UBN1: variants seen among roughly 807,000 people sequenced by gnomAD.
UBN1 encodes ubinuclein 1.
In UBN1, 17 loss-of-function variants were observed where a neutral mutation model predicts 108.5. That is an observed-to-expected ratio of 0.16 (90% CI 0.11 to 0.24). The LOEUF (loss-of-function observed/expected upper bound fraction) is 0.24. Ranked by LOEUF, UBN1 falls within the 10% of genes least tolerant of loss-of-function variation. The pLI, the probability that UBN1 is intolerant of heterozygous loss-of-function variation, is 1.00. For synonymous variants in UBN1, 726 were observed against 564.2 expected (o/e 1.29, Z -4.07); for missense variants, 1,595 against 1,394.4 (o/e 1.14, Z -2.29).
In UBN1 at chr16:4,877,470, G is replaced by T. The variant is rs1392173550; in HGVS notation, c.3351G>T (p.Leu1117=). The change falls in exon 17 of 18, where the codon CTG becomes CTT. Residue 1117 remains leucine, a synonymous_variant. Transcript: ENST00000262376. This position sits in a 1 kb window ranked among gnomAD's most constrained non-coding sequence, Gnocchi z 4.3. ...TGCCCACCCATATCCCGCAGAGTCTGCCAGGTAATCACCCGACGGTCAGTG... is the reference window on the plus strand; with the variant it reads ...TGCCCACCCATATCCCGCAGAGTCTTCCAGGTAATCACCCGACGGTCAGTG... The part of the protein sequence containing the change: ...AAVPTHIPQS[L]PGASQLHGKG... The T allele has an allele frequency of 1.9e-6, 3 of 1,609,660 alleles. No individual in the cohort carries two copies. Among genetic ancestry groups the T allele is most frequent in the East Asian group, 2.2e-5 (1 of 44,776 alleles).
chr16:4,879,285 G>A (rs1190160553), intron 17 of UBN1, among the ~76,000 whole-genome samples: 3 of 152,222 alleles, frequency 2.0e-5, no homozygotes, highest in East Asian at 1.9e-4. Flanking sequence ...TCATTATTAT[G>A]AGTCAGTTTT....
rs780756913 is a variant in UBN1 at position 4,859,130 on chromosome 16, A to T, written c.538A>T (p.Ile180Phe). 5.6e-6 allele frequency: 9 copies of T among 1,613,534 alleles called. No homozygotes were observed. The East Asian group carries it at 1.6e-4, about 28-fold the overall frequency. The stretch of plus-strand genomic sequence containing the variant: ...AGCATCAGAGTCTGAAGATGACTTC[A>T]TTAAAGAAAAGAAGAAAAAATCTCC... ...RQASESEDDF[I>F]KEKKKKSPKK... Residue 180 changes from isoleucine to phenylalanine, a missense_variant, in exon 5 of 18, where the codon ATT (isoleucine) becomes TTT (phenylalanine). Ile to Phe is a conservative substitution (Grantham distance 21). This residue lies in a region of UBN1 where 1,398 missense variants were observed against 1,194.7 expected (regional missense o/e 1.17). Coordinates refer to ENST00000262376, the MANE Select transcript of UBN1 (RefSeq NM_001079514.3).
chr16:4,871,329 C>T, intron 12 of UBN1, 28 bp downstream of exon 12: 1 of 1,610,080 alleles, frequency 6.2e-7, no homozygotes, highest in Admixed American at 1.7e-5. Context: ...AGATGGGCAT[C>T]TGTGCAGTCA....
intron 7 of UBN1, among the ~76,000 whole-genome samples, chr16:4,866,699 G>T (rs1034167213): frequency 4.6e-5 from 7 of 152,126 alleles, no homozygotes; most frequent in Admixed American, 3.9e-4. Context: ...TTTTAGTAGA[G>T]ACAGGGTCTC....
intron 6 of UBN1, 129 bp downstream of exon 6, chr16:4,860,097 C>CTGCGGGAGGCGTGCGG: frequency 8.6e-7 from 1 of 1,168,796 alleles, no homozygotes; most frequent in Non-Finnish European, 1.2e-6. Context: ...TCCTCCCGCA[C>CTGCGGGAGGCGTGCGG]GCCTCCCGCA....
At chr16:4,876,567 A>C (rs2087896341) in intron 15 of UBN1, among the ~76,000 whole-genome samples, 1 of 151,590 alleles carries the variant, frequency 6.6e-6, no homozygotes, top group Non-Finnish European at 1.5e-5. Context: ...TGGCTCTGTC[A>C]CCTAGGCTGG....
intron 2 of UBN1, among the ~76,000 whole-genome samples, chr16:4,857,507 G>A (rs1450322424): frequency 6.6e-6 from 1 of 151,836 alleles, no homozygotes; most frequent in African/African-American, 2.4e-5. Flanking sequence ...CGAGAGAAGT[G>A]CAAATTCAGA....
Position 4,853,140 on chromosome 16 carries a change from G to A in UBN1, c.223G>A (p.Val75Ile), listed in dbSNP as rs750968423. 5 of 1,614,112 alleles carry A rather than the reference G, an allele frequency of 3.1e-6. No individual in the cohort carries two copies. The highest frequency in any genetic ancestry group is 2.2e-5 in the East Asian group (1 of 44,898). ...PELVKNIRGK[V>I]KGLQPGDKKK... Reference sequence around the variant, plus strand: ...GCTGGTGAAGAATATCCGAGGGAAGGTAAAAGGCCTTCAGCCTGGAGATAA... The same window carrying A: ...GCTGGTGAAGAATATCCGAGGGAAGATAAAAGGCCTTCAGCCTGGAGATAA... Residue 75 changes from valine (V) to isoleucine (I), a missense_variant, in exon 2 of 18, where the codon GTA (valine) becomes ATA (isoleucine). This residue lies in a region of UBN1 where 181 missense variants were observed against 157.3 expected (regional missense o/e 1.15). Transcript: ENST00000262376.
intron 2 of UBN1, among the ~76,000 whole-genome samples, chr16:4,853,545 C>CT (rs34225938): frequency 3.6e-4 from 52 of 145,146 alleles, no homozygotes; most frequent in East Asian, 6.0e-4. Flanking sequence ...CGTAGACTGC[C>CT]TTTTTTTTTT....
intron 17 of UBN1, among the ~76,000 whole-genome samples, chr16:4,879,355 C>T (rs2088009856): frequency 1.3e-5 from 2 of 151,110 alleles, no homozygotes; most frequent in African/African-American, 4.9e-5. Context: ...AGGAGGATTG[C>T]TTGAACCCAG....
At chr16:4,872,421 G>C (rs1052829210) in intron 12 of UBN1, 3 of 930,706 alleles carry the variant, frequency 3.2e-6, no homozygotes, top group Non-Finnish European at 3.8e-6. Context: ...CCAGGAATTT[G>C]GCTCCCCAAT....
rs2086629898 is a variant in UBN1 at position 4,853,040 on chromosome 16, T to C, written c.123T>C (p.Ala41=). ...AACAGCATCAGGACTGTGAGCCGGC[T>C]GCAGCAGCTGTTCGGATTACACTCA... ...AGEQHQDCEP[A]AAAVRITLTL... Residue 41 remains alanine (A), a synonymous_variant, in exon 2 of 18, where the codon GCT becomes GCC. Coordinates refer to ENST00000262376, the MANE Select transcript of UBN1 (RefSeq NM_001079514.3). 1.9e-6 allele frequency: 3 copies of C among 1,614,252 alleles called. No homozygotes were observed. The highest frequency in any genetic ancestry group is 2.5e-6 in the Non-Finnish European group (3 of 1,180,044).
chr16:4,868,786 A>G (rs2087461104), intron 7 of UBN1, 47 bp from the exon 8 acceptor site: 3 of 1,595,956 alleles, frequency 1.9e-6, no homozygotes, highest in South Asian at 1.1e-5. Flanking sequence ...CGTAAGGGAC[A>G]TGTGGGGAAA....
intron 7 of UBN1, among the ~76,000 whole-genome samples, chr16:4,863,033 A>G (rs567669282): frequency 2.0e-5 from 3 of 152,366 alleles, no homozygotes; most frequent in South Asian, 2.1e-4. Flanking sequence ...CCCTTCTCCT[A>G]TAACAGCATT....
Position 4,848,228 on chromosome 16 carries a change from G to A in UBN1, c.-40+18G>A, listed in dbSNP as rs2086301097. On this transcript the variant is annotated intron_variant, in intron 1 of 17. Coordinates refer to ENST00000262376, the MANE Select transcript of UBN1 (RefSeq NM_001079514.3). ...GGACAAAGGTGCGTGTCGTTGTCGG[G>A]TCCGGGCTCTCTCGTTAGCCTTGCC... is the stretch of plus-strand genomic sequence containing the variant. 1 of 152,272 alleles carries A rather than the reference G, an allele frequency of 6.6e-6. No homozygotes were observed. The highest frequency in any genetic ancestry group is 6.5e-5 in the Admixed American group (1 of 15,286). 9.4% of individuals were successfully genotyped at this position (152,272 alleles called of 1,614,324 possible). A position where few individuals can be genotyped will look rare whatever the true frequency, so the allele number is the denominator to read the frequency against.
rs751193858 is a variant in UBN1, at chr16:4,868,912, C to A, written c.1181+9C>A. The A allele has an allele frequency of 6.2e-7, 1 of 1,612,572 alleles. No homozygotes were observed. The highest frequency in any genetic ancestry group is 8.5e-7 in the Non-Finnish European group (1 of 1,179,060). On this transcript the variant is annotated intron_variant, in intron 8 of 17. Coordinates refer to ENST00000262376, the MANE Select transcript of UBN1 (RefSeq NM_001079514.3). Reference sequence around the variant, plus strand: ...AATGGAATCCTATTAGAGTGAGTATCGTCTGTCTGTCTGTCTGTCTGTCTG... The same window carrying A: ...AATGGAATCCTATTAGAGTGAGTATAGTCTGTCTGTCTGTCTGTCTGTCTG...
At chr16:4,855,258 G>A (rs914929137) in intron 2 of UBN1, among the ~76,000 whole-genome samples, 1 of 152,142 alleles carries the variant, frequency 6.6e-6, no homozygotes, top group South Asian at 2.1e-4. Context: ...TTATTCACAG[G>A]TGTGCTGTTC....
intron 15 of UBN1, among the ~76,000 whole-genome samples, chr16:4,876,534 C>CTT (rs377184055): frequency 7.1e-6 from 1 of 141,738 alleles, no homozygotes; most frequent in Admixed American, 7.0e-5. Flanking sequence ...ACAAAGGAGG[C>CTT]TTTTTTTTTT....
chr16:4,864,616 G>A (rs1350562574), intron 7 of UBN1, among the ~76,000 whole-genome samples: 1 of 152,178 alleles, frequency 6.6e-6, no homozygotes, highest in Non-Finnish European at 1.5e-5. Flanking sequence ...TACAGGTGCT[G>A]ACAAAGCTCA....
Sources: allele counts gnomAD v4.1 joint callset (sites outside exome capture counted in the v4.1 genomes callset), GRCh38; gene constraint gnomAD v4.1.1; regional missense constraint gnomAD v4.1.1; non-coding constraint Gnocchi (gnomAD v3.1); transcripts MANE v1.5; gene names NCBI Gene and HGNC (gene_info 2026-07-23, HGNC 2026-07-21).